Variants in CACNA1G observed in about 807,000 individuals in gnomAD.
CACNA1G encodes the protein calcium voltage-gated channel subunit alpha1 G.
CACNA1G carries 67 observed loss-of-function variants against 219.4 expected under a neutral mutation model. The ratio of observed to expected loss-of-function variants is 0.31; its 90% confidence interval spans 0.25 to 0.37. The LOEUF (loss-of-function observed/expected upper bound fraction) is 0.37, where lower values mean the gene tolerates loss of function less well. CACNA1G is among the 10% of genes least tolerant of loss of function. The pLI is 1.00. For missense variants in CACNA1G, 2,380 were observed against 3,231.4 expected (o/e 0.74, Z 6.39); for synonymous variants, 1,296 against 1,345.3 (o/e 0.96, Z 0.80).
intron 7 of CACNA1G, 69 bp from the exon 8 acceptor site, chr17:50,575,474 T>A: frequency 6.8e-7 from 1 of 1,469,000 alleles, no homozygotes. Context: ...AATGCCTCCG[T>A]ATGTGGTGGC....
chr17:50,615,444 C>A lies in CACNA1G; in HGVS notation c.4843C>A (p.Leu1615Ile). The change falls in exon 27 of 38, where the codon CTC becomes ATC. Residue 1615 changes from leucine to isoleucine, a missense_variant. Physicochemically the swap from Leu to Ile is conservative, Grantham distance 5. This residue lies in a region of CACNA1G where 123 missense variants were observed against 258.4 expected (regional missense o/e 0.48). Coordinates refer to ENST00000359106, the MANE Select transcript of CACNA1G (RefSeq NM_018896.5). ...CTTGTGCACCAGCCACTACCTGGAC[C>A]TCTTCATCACAGGTGTCATCGGGCT... ...HHLCTSHYLD[L>I]FITGVIGLNV... 6.2e-7 allele frequency: 1 copy of A among 1,613,808 alleles called. No homozygotes were observed. The highest frequency in any genetic ancestry group is 1.1e-5 in the South Asian group (1 of 91,056).
chr17:50,622,635 C>T (rs1032959921), intron 35 of CACNA1G, among the ~76,000 whole-genome samples: 1 of 152,130 alleles, frequency 6.6e-6, no homozygotes, highest in African/African-American at 2.4e-5. Flanking sequence ...GGCGACAGGG[C>T]CCCTACAGCC....
intron 9 of CACNA1G, among the ~76,000 whole-genome samples, chr17:50,588,837 T>C (rs757418): frequency 0.45 from 68,589 of 151,964 alleles, 16,496 homozygotes; most frequent in East Asian, 0.89. Flanking sequence ...TCCCCGAGGC[T>C]CCCAAATGCC....
chr17:50,599,061 C>T (rs1052731372), intron 16 of CACNA1G, among the ~76,000 whole-genome samples: 4 of 152,132 alleles, frequency 2.6e-5, no homozygotes, highest in African/African-American at 7.2e-5. Context: ...CTATTCAGGC[C>T]CTTTGCCCAT....
In CACNA1G at chr17:50,621,718, C is replaced by T. The variant is rs1023544138; in HGVS notation, c.5984C>T (p.Ser1995Phe). The part of the protein sequence containing the change: ...SLTSEIVSEP[S>F]CSLALTDDSL... ...ACGTCAGAGATTGTGTCTGAACCGT[C>T]CTGCTCTCTAGCTCTGACGGATGAC... Residue 1995 changes from serine (S) to phenylalanine (F), a missense_variant, in exon 35 of 38, where the codon TCC becomes TTC. By Grantham distance (155) the Ser-to-Phe change is radical. This residue lies in a region of CACNA1G where 672 missense variants were observed against 670.5 expected (regional missense o/e 1.00). Coordinates refer to ENST00000359106, the MANE Select transcript of CACNA1G (RefSeq NM_018896.5). This position sits in a 1 kb window ranked among gnomAD's most constrained non-coding sequence, Gnocchi z 4.6. 3 of 1,613,862 alleles carry T rather than the reference C, an allele frequency of 1.9e-6. No homozygotes were observed. Among genetic ancestry groups the T allele is most frequent in the Non-Finnish European group, 2.5e-6 (3 of 1,179,852 alleles).
Position 50,576,102 on chromosome 17 carries a change from G to A in CACNA1G, c.1700G>A (p.Arg567His), listed in dbSNP as rs991182458. 1.9e-6 allele frequency: 3 copies of A among 1,593,700 alleles called. No homozygotes were observed. Among genetic ancestry groups the A allele is most frequent in the African/African-American group, 1.3e-5 (1 of 74,404 alleles). The change falls in exon 8 of 38, where the codon CGC becomes CAC. Residue 567 changes from arginine to histidine, a missense_variant. Coordinates refer to ENST00000359106, the MANE Select transcript of CACNA1G (RefSeq NM_018896.5). ...GCCGACTGCCACTTAGAGCCAGTCCGCTGCCAGGCGCCCCCTCCCAGGTCC... is the reference window on the plus strand; with the variant it reads ...GCCGACTGCCACTTAGAGCCAGTCCACTGCCAGGCGCCCCCTCCCAGGTCC... ...YHADCHLEPV[R>H]CQAPPPRSPS...
At chr17:50,614,588 A>G (rs2050016559) in intron 26 of CACNA1G, among the ~76,000 whole-genome samples, 1 of 152,180 alleles carries the variant, frequency 6.6e-6, no homozygotes, top group South Asian at 2.1e-4. Flanking sequence ...TAATTACGAG[A>G]GAAATATTAT....
In CACNA1G at chr17:50,560,728, C is replaced by T. The variant is rs940147451; in HGVS notation, c.-732C>T. 6.6e-6 allele frequency among the ~76,000 whole-genome samples: 1 copy of T among 152,188 alleles called. No homozygotes were observed. Among genetic ancestry groups the T allele is most frequent in the Non-Finnish European group, 1.5e-5 (1 of 68,012 alleles). On this transcript the variant is annotated 5_prime_UTR_variant, in exon 1 of 38. Transcript: ENST00000359106. ...TCCAGCTGTGGTGTGCGCGGGGCTCCTCGCCGCCGCTTTCGCTCGCTCGCT... is the reference window on the plus strand; with the variant it reads ...TCCAGCTGTGGTGTGCGCGGGGCTCTTCGCCGCCGCTTTCGCTCGCTCGCT...
At chr17:50,564,128 G>GTA (rs1491356121) in intron 1 of CACNA1G, among the ~76,000 whole-genome samples, 8 of 49,396 alleles carry the variant, frequency 1.6e-4, no homozygotes, top group African/African-American at 3.4e-4. Flanking sequence ...GGTAGGAAGT[G>GTA]TGTGTGTGTG....
chr17:50,612,167 T>A (rs1397322902), intron 26 of CACNA1G, among the ~76,000 whole-genome samples: 3 of 152,232 alleles, frequency 2.0e-5, no homozygotes, highest in African/African-American at 7.2e-5. Flanking sequence ...GCAGTGCAGA[T>A]GCACTGATCT....
At chr17:50,564,526 A>G (rs1471806260) in intron 1 of CACNA1G, among the ~76,000 whole-genome samples, 15 of 121,774 alleles carry the variant, frequency 1.2e-4, no homozygotes, top group Admixed American at 1.6e-4. Flanking sequence ...GAGGGGGGGG[A>G]GGCCTGAACG....
chr17:50,566,658 T>G (rs2144531449), intron 1 of CACNA1G, among the ~76,000 whole-genome samples: 2 of 152,356 alleles, frequency 1.3e-5, no homozygotes, highest in East Asian at 3.9e-4. Context: ...CAGGAAGACC[T>G]GAATGGGGAC....
chr17:50,606,890 T>C lies in CACNA1G; in HGVS notation c.4423-10T>C. The C allele has an allele frequency of 6.2e-7, 1 of 1,605,360 alleles. No homozygotes were observed. ...GACTTCAAATGTCTCCTTCTCCTCC[T>C]CCCCATCAGGCCCTGATGTCCCTGT... On this transcript the variant is annotated splice_polypyrimidine_tract_variant and intron_variant, in intron 23 of 37. Coordinates refer to ENST00000359106, the MANE Select transcript of CACNA1G (RefSeq NM_018896.5).
At chr17:50,624,324 T>TCCCCCCCCCCCCCCCCCCCGTA in intron 36 of CACNA1G, 36 bp from the exon 37 acceptor site, 1 of 1,177,664 alleles carries the variant, frequency 8.5e-7, no homozygotes, top group Non-Finnish European at 1.2e-6. Flanking sequence ...CTCCATTCTC[T>TCCCCCCCCCCCCCCCCCCCGTA]CCCCCCACCC....
chr17:50,576,590 C>G (rs996758629), intron 8 of CACNA1G, among the ~76,000 whole-genome samples: 5 of 152,232 alleles, frequency 3.3e-5, no homozygotes, highest in Non-Finnish European at 7.3e-5. Flanking sequence ...GCAATGATGT[C>G]TAGCAACTGT....
chr17:50,597,456 C>T (rs1413631512), intron 16 of CACNA1G, among the ~76,000 whole-genome samples: 1 of 152,178 alleles, frequency 6.6e-6, no homozygotes, highest in Non-Finnish European at 1.5e-5. Flanking sequence ...TGTTGGTGCC[C>T]ATGCTCTCAT....
At chr17:50,565,144 C>T (rs992083142) in intron 1 of CACNA1G, among the ~76,000 whole-genome samples, 37 of 81,260 alleles carry the variant, frequency 4.6e-4, no homozygotes, top group Non-Finnish European at 6.6e-4. Flanking sequence ...CACACACACG[C>T]GCACACACAC....
In CACNA1G at chr17:50,601,051, G is replaced by A. The variant is rs200024646; in HGVS notation, c.3792G>A (p.Arg1264=). The A allele has an allele frequency of 1.5e-5, 25 of 1,613,558 alleles. No homozygotes were observed. The highest frequency in any genetic ancestry group is 7.7e-5 in the South Asian group (7 of 91,086). ...WSAYIFPPQS[R]FRLLCHRIIT... ...AGCCGTTGCCTCCATGCCTGGGCAG[G>A]TTCCGCCTCCTGTGTCACCGGATCA... Residue 1264 remains arginine, a splice_region_variant and synonymous_variant, in exon 19 of 38, where the codon AGG becomes AGA. Coordinates refer to ENST00000359106, the MANE Select transcript of CACNA1G (RefSeq NM_018896.5).
Position 50,578,415 on chromosome 17 carries a change from C to T in CACNA1G, c.2152C>T (p.Pro718Ser), listed in dbSNP as rs1230865139. The stretch of plus-strand genomic sequence containing the variant: ...CAGCCGGCGGCAACGGAGCCTGGGC[C>T]CAGATGCAGAGCCCAGCTCTGTGCT... ...PHSRRQRSLG[P>S]DAEPSSVLAF... Residue 718 changes from proline (P) to serine (S), a missense_variant, in exon 9 of 38, where the codon CCA (proline) becomes TCA (serine). By Grantham distance (74) the Pro-to-Ser change is moderately conservative. Coordinates refer to ENST00000359106, the MANE Select transcript of CACNA1G (RefSeq NM_018896.5). This position sits in a 1 kb window ranked among gnomAD's most constrained non-coding sequence, Gnocchi z 4.5. 2.5e-6 allele frequency: 4 copies of T among 1,613,262 alleles called. No individual in the cohort carries two copies. The South Asian group carries it at 3.3e-5, about 13-fold the overall frequency.
Sources: gnomAD v4.1 joint callset for allele counts (sites outside exome capture counted in the v4.1 genomes callset) on GRCh38, gnomAD v4.1.1 for gene constraint, gnomAD v4.1.1 regional missense constraint, Gnocchi (gnomAD v3.1) non-coding constraint, MANE v1.5 for transcripts, NCBI Gene and HGNC (gene_info 2026-07-23, HGNC 2026-07-21) for gene names.